The following FAM110B variants were observed in gnomAD, a reference collection of about 807,000 sequenced individuals.
The protein encoded by FAM110B is family with sequence similarity 110 member B.
In FAM110B, 6 loss-of-function variants were observed where a neutral mutation model predicts 20.4. The ratio of observed to expected loss-of-function variants is 0.29; its 90% CI spans 0.16 to 0.58. FAM110B has a LOEUF of 0.58. FAM110B is among the 20% of genes least tolerant of loss of function. The pLI is 0.90. For synonymous variants in FAM110B, 226 were observed against 214.1 expected (o/e 1.06, Z -0.49); for missense variants, 434 against 498.2 (o/e 0.87, Z 1.23).
At chr8:58,056,012 G>A (rs1208194936) in intron 2 of FAM110B, among the ~76,000 whole-genome samples, 1 of 152,170 alleles carries the variant, frequency 6.6e-6, no homozygotes, top group African/African-American at 2.4e-5. Flanking sequence ...ATCAGGGGTT[G>A]GCAAACTATT....
intron 2 of FAM110B, among the ~76,000 whole-genome samples, chr8:58,063,044 G>A (rs1171777929): frequency 6.6e-6 from 1 of 152,140 alleles, no homozygotes; most frequent in Non-Finnish European, 1.5e-5. Flanking sequence ...GGCTGGGAAT[G>A]GTTAGCACAT....
At chr8:58,004,517 G>A (rs1804362305) in intron 1 of FAM110B, among the ~76,000 whole-genome samples, 1 of 152,210 alleles carries the variant, frequency 6.6e-6, no homozygotes, top group African/African-American at 2.4e-5. Context: ...GGCCAAGGTG[G>A]GTGGATCACT....
At chr8:57,998,489 A>T (rs1804228998) in intron 1 of FAM110B, among the ~76,000 whole-genome samples, 1 of 152,234 alleles carries the variant, frequency 6.6e-6, no homozygotes, top group African/African-American at 2.4e-5. Context: ...TCTTCATTTC[A>T]TATATTCATT....
chr8:58,016,182 A>G lies in FAM110B; in HGVS notation c.-511-15424A>G, dbSNP rs77353505. Among the ~76,000 whole-genome samples, 38 of 152,304 alleles carry G rather than the reference A, an allele frequency of 2.5e-4. No individual in the cohort carries two copies. In the East Asian group the frequency reaches 7.0e-3, roughly 28 times the overall value. The stretch of plus-strand genomic sequence containing the variant: ...CACTTTGATGGTATTTTTTAAATCT[A>G]TGAAATAAATGCTTTTAGAAAATGA... On this transcript the variant is annotated intron_variant, in intron 1 of 3. Transcript: ENST00000519262.
chr8:57,995,032 C>T (rs1422121328), intron 1 of FAM110B, among the ~76,000 whole-genome samples: 1 of 152,060 alleles, frequency 6.6e-6, no homozygotes, highest in African/African-American at 2.4e-5. Context: ...TCTGGGCTGC[C>T]GGGGGAGGCG....
intron 3 of FAM110B, among the ~76,000 whole-genome samples, chr8:58,140,947 A>G (rs1803732439): frequency 6.6e-6 from 1 of 152,158 alleles, no homozygotes; most frequent in Non-Finnish European, 1.5e-5. Context: ...GGATTTTTCT[A>G]CGTCTTACAC....
chr8:57,995,856 A>G (rs1289875451), intron 1 of FAM110B, among the ~76,000 whole-genome samples: 1 of 152,218 alleles, frequency 6.6e-6, no homozygotes, highest in Non-Finnish European at 1.5e-5. Context: ...AATCTGGCAC[A>G]CATCTGTGAC....
intron 3 of FAM110B, among the ~76,000 whole-genome samples, chr8:58,133,356 G>A (rs1339474466): frequency 1.3e-5 from 2 of 152,082 alleles, no homozygotes; most frequent in African/African-American, 2.4e-5. Context: ...CATGTCACAC[G>A]AGAATCTCTA....
chr8:58,047,077 A>G (rs1585839710), intron 2 of FAM110B, among the ~76,000 whole-genome samples: 1 of 152,326 alleles, frequency 6.6e-6, no homozygotes, highest in Middle Eastern at 3.4e-3. Flanking sequence ...ATTGGTGATG[A>G]TAGGGGACAT....
intron 1 of FAM110B, among the ~76,000 whole-genome samples, chr8:58,003,503 T>C (rs746263586): frequency 3.9e-5 from 6 of 152,244 alleles, no homozygotes; most frequent in Admixed American, 2.6e-4. Flanking sequence ...CTATGGCAGC[T>C]ATAGCCTTAC....
intron 2 of FAM110B, among the ~76,000 whole-genome samples, chr8:58,071,570 C>CAAGGGG (rs1805897208): frequency 1.3e-5 from 2 of 152,200 alleles, no homozygotes; most frequent in Admixed American, 6.5e-5. Context: ...TCTGTACTTT[C>CAAGGGG]TTTGACAGAG....
chr8:58,100,353 G>T (rs1371984229), intron 3 of FAM110B, among the ~76,000 whole-genome samples: 1 of 152,124 alleles, frequency 6.6e-6, no homozygotes, highest in Non-Finnish European at 1.5e-5. Context: ...AGCAAGGGTG[G>T]TGTATTTTGG....
At chr8:58,013,807 T>C (rs1266498896) in intron 1 of FAM110B, among the ~76,000 whole-genome samples, 5 of 152,234 alleles carry the variant, frequency 3.3e-5, no homozygotes, top group Non-Finnish European at 7.3e-5. Flanking sequence ...TGCTCTGTGG[T>C]AGACTCAGGT....
rs1806279453 is a variant in FAM110B at position 58,084,445 on chromosome 8, A to G, written c.-325+8822A>G. Reference sequence around the variant, plus strand: ...TCACTCTGTCACCAGGCTGGAGTGCAGTGGTGTGATCTTGGCTCACTGCAG... The same window carrying G: ...TCACTCTGTCACCAGGCTGGAGTGCGGTGGTGTGATCTTGGCTCACTGCAG... On this transcript the variant is annotated intron_variant, in intron 3 of 3. Coordinates refer to ENST00000519262, the MANE Select transcript of FAM110B (RefSeq NM_001377989.1). Among the ~76,000 whole-genome samples, 3 of 146,528 alleles carry G rather than the reference A, an allele frequency of 2.0e-5. No homozygotes were observed. The South Asian group carries it at 6.5e-4, about 32-fold the overall frequency.
At chr8:58,136,946 A>G (rs1042226145) in intron 3 of FAM110B, among the ~76,000 whole-genome samples, 26 of 152,152 alleles carry the variant, frequency 1.7e-4, no homozygotes, top group Non-Finnish European at 3.2e-4. Context: ...TTGACCGGCT[A>G]TTTTTCTCCT....
At chr8:58,010,673 A>G (rs566810634) in intron 1 of FAM110B, among the ~76,000 whole-genome samples, 38 of 152,320 alleles carry the variant, frequency 2.5e-4, no homozygotes, top group African/African-American at 8.2e-4. Flanking sequence ...GTAGCGCACC[A>G]TTAGAGGCAC....
At chr8:58,067,124 AG>A (rs1369618222) in intron 2 of FAM110B, among the ~76,000 whole-genome samples, 15 of 152,158 alleles carry the variant, frequency 9.9e-5, no homozygotes, top group Non-Finnish European at 2.9e-5. Flanking sequence ...CTTTTTTCCA[AG>A]GGGAAAAAGC....
intron 2 of FAM110B, among the ~76,000 whole-genome samples, chr8:58,048,608 A>G (rs1301551118): frequency 6.6e-6 from 1 of 152,176 alleles, no homozygotes; most frequent in African/African-American, 2.4e-5. Flanking sequence ...TTATTGTTTT[A>G]TATTATGAAT....
chr8:58,124,745 C>T (rs1437762262), intron 3 of FAM110B, among the ~76,000 whole-genome samples: 2 of 152,192 alleles, frequency 1.3e-5, no homozygotes, highest in African/African-American at 4.8e-5. Flanking sequence ...CATCACTCTA[C>T]ACTCATCTCT....
Sources: allele counts gnomAD v4.1 joint callset (sites outside exome capture counted in the v4.1 genomes callset), GRCh38; gene constraint gnomAD v4.1.1; transcripts MANE v1.5; gene names NCBI Gene and HGNC (gene_info 2026-07-23, HGNC 2026-07-21).